Variants in DLGAP1 observed in about 807,000 individuals in gnomAD.
DLGAP1 encodes the protein DLG associated protein 1.
DLGAP1 carries 11 observed loss-of-function variants against 90.8 expected under a neutral mutation model. That is an observed-to-expected ratio of 0.12 (90% CI 0.08 to 0.20). The LOEUF (loss-of-function observed/expected upper bound fraction) is 0.20. DLGAP1 is among the 10% of genes least tolerant of loss of function. The pLI is 1.00. For missense variants in DLGAP1, 1,050 were observed against 1,333.8 expected (o/e 0.79, Z 3.31); for synonymous variants, 558 against 540.7 (o/e 1.03, Z -0.44).
chr18:3,768,076 A>AACT (rs1173653067), intron 5 of DLGAP1, among the ~76,000 whole-genome samples: 1 of 152,136 alleles, frequency 6.6e-6, no homozygotes, highest in Non-Finnish European at 1.5e-5. Flanking sequence ...TTAACAAAAA[A>AACT]ACTTCTGGAA....
intron 8 of DLGAP1, among the ~76,000 whole-genome samples, chr18:3,581,057 C>T (rs560825939): frequency 6.6e-6 from 1 of 152,314 alleles, no homozygotes; most frequent in East Asian, 1.9e-4. Flanking sequence ...TGGCCCAACC[C>T]CAATGCTGTC....
chr18:4,272,200 G>A (rs1467246494), intron 1 of DLGAP1, among the ~76,000 whole-genome samples: 1 of 152,122 alleles, frequency 6.6e-6, no homozygotes, highest in Non-Finnish European at 1.5e-5. Flanking sequence ...GTAATTCTTT[G>A]TCTACTTCTG....
Position 3,729,241 on chromosome 18 carries a change from C to T in DLGAP1, c.1485G>A (p.Val495=), listed in dbSNP as rs112483007. ...GGGAGCAGCCTTTCTCAATGGCCCG[C>T]ACATAGCTGTGGCTCCGCATGCGGA... ...GCFRMRSHSY[V]RAIEKGCSQD... Residue 495 remains valine, a synonymous_variant, in exon 7 of 13, where the codon GTG becomes GTA. Coordinates refer to ENST00000315677, the MANE Select transcript of DLGAP1 (RefSeq NM_004746.4). The surrounding 1 kb of genome is among the most constrained non-coding windows in gnomAD (Gnocchi z 6.2). 6.8e-5 allele frequency: 109 copies of T among 1,614,018 alleles called. No individual in the cohort carries two copies. In the African/African-American group the frequency reaches 9.3e-4, roughly 14 times the overall value.
chr18:3,728,676 T>C (rs2062289006), intron 7 of DLGAP1, among the ~76,000 whole-genome samples: 1 of 152,220 alleles, frequency 6.6e-6, no homozygotes, highest in Admixed American at 6.5e-5. Context: ...CACAGTGATA[T>C]TTCAGGTCTT....
intron 4 of DLGAP1, among the ~76,000 whole-genome samples, chr18:3,837,449 G>C (rs1157924841): frequency 1.3e-5 from 2 of 152,060 alleles, no homozygotes; most frequent in Admixed American, 6.5e-5. Flanking sequence ...ATAGATGTAG[G>C]CTCTTTCTTT....
chr18:4,432,589 AGTGT>A (rs545618675), intron 1 of DLGAP1, among the ~76,000 whole-genome samples: 7,310 of 111,258 alleles, frequency 0.066, 216 homozygotes, highest in African/African-American at 0.1. Context: ...CACCTCACAT[AGTGT>A]GTGTGTGTGT....
At chr18:4,442,255 C>T (rs891702439) in intron 1 of DLGAP1, among the ~76,000 whole-genome samples, 1 of 152,170 alleles carries the variant, frequency 6.6e-6, no homozygotes, top group Non-Finnish European at 1.5e-5. Flanking sequence ...ACCTCGGCCT[C>T]CCAAAGTGCT....
At chr18:3,855,856 C>T (rs1042236699) in intron 4 of DLGAP1, among the ~76,000 whole-genome samples, 2 of 152,206 alleles carry the variant, frequency 1.3e-5, no homozygotes, top group East Asian at 1.9e-4. Flanking sequence ...CGTGATCCGC[C>T]TGCCTCGGCC....
intron 3 of DLGAP1, among the ~76,000 whole-genome samples, chr18:3,927,909 G>T (rs1024423234): frequency 6.6e-6 from 1 of 152,112 alleles, no homozygotes; most frequent in Non-Finnish European, 1.5e-5. Context: ...TACATCAATA[G>T]TTCCTCCCTA....
chr18:4,063,904 T>A (rs1359978950), intron 2 of DLGAP1, among the ~76,000 whole-genome samples: 1 of 152,092 alleles, frequency 6.6e-6, no homozygotes, highest in African/African-American at 2.4e-5. Flanking sequence ...TAGCCCATTT[T>A]TCTATTAATC....
intron 1 of DLGAP1, among the ~76,000 whole-genome samples, chr18:4,437,169 A>G (rs1226945657): frequency 6.6e-6 from 1 of 152,238 alleles, no homozygotes; most frequent in Admixed American, 6.5e-5. Context: ...TATGAAGAAT[A>G]TTGGCTGACT....
chr18:3,770,001 G>T (rs2064447573), intron 5 of DLGAP1: 1 of 152,144 alleles, frequency 6.6e-6, no homozygotes, highest in African/African-American at 2.4e-5. Context: ...GAGTCAGGAT[G>T]CAGGAAAAAC....
At chr18:3,712,821 G>A (rs1262032036) in intron 7 of DLGAP1, among the ~76,000 whole-genome samples, 2 of 152,220 alleles carry the variant, frequency 1.3e-5, no homozygotes, top group African/African-American at 2.4e-5. Flanking sequence ...AGGACTATAA[G>A]TTTAAGCAAG....
chr18:3,958,216 A>G (rs2073120827), intron 3 of DLGAP1, among the ~76,000 whole-genome samples: 3 of 151,900 alleles, frequency 2.0e-5, no homozygotes, highest in African/African-American at 7.3e-5. Flanking sequence ...GCCTTATTAC[A>G]TACTTTTAAA....
chr18:4,121,524 C>A (rs1568408278), intron 2 of DLGAP1, among the ~76,000 whole-genome samples: 1 of 152,154 alleles, frequency 6.6e-6, no homozygotes, highest in South Asian at 2.1e-4. Context: ...CCTCCACCAT[C>A]CCCCAGGTGA....
chr18:3,889,593 T>C lies in DLGAP1; in HGVS notation c.-72-9453A>G, dbSNP rs540006518. On this transcript the variant is annotated intron_variant, in intron 3 of 12. Coordinates refer to ENST00000315677, the MANE Select transcript of DLGAP1 (RefSeq NM_004746.4). Reference sequence around the variant, plus strand: ...TAGCTGTTCAGCTGACACCTGCTTTTGGGAATTTCTTCCCTACTCACAGCA... The same window carrying C: ...TAGCTGTTCAGCTGACACCTGCTTTCGGGAATTTCTTCCCTACTCACAGCA... 2.0e-5 allele frequency among the ~76,000 whole-genome samples: 3 copies of C among 152,306 alleles called. No homozygotes were observed. In the South Asian group the frequency reaches 6.2e-4, roughly 32 times the overall value.
chr18:3,849,951 G>C (rs2069238837), intron 4 of DLGAP1, among the ~76,000 whole-genome samples: 1 of 152,182 alleles, frequency 6.6e-6, no homozygotes. Context: ...GTTAGTACTA[G>C]TGGTCTTGTT....
intron 1 of DLGAP1, among the ~76,000 whole-genome samples, chr18:4,245,247 G>A (rs775510437): frequency 6.6e-5 from 10 of 152,072 alleles, no homozygotes; most frequent in African/African-American, 1.2e-4. Context: ...TGTAAAATCC[G>A]AATATTTTCA....
At chr18:3,931,938 T>C (rs2148930698) in intron 3 of DLGAP1, among the ~76,000 whole-genome samples, 2 of 152,290 alleles carry the variant, frequency 1.3e-5, no homozygotes, top group African/African-American at 4.8e-5. Context: ...TTGATGGATC[T>C]ACAGTGCTCC....
Sources: allele counts gnomAD v4.1 joint callset (sites outside exome capture counted in the v4.1 genomes callset), GRCh38; gene constraint gnomAD v4.1.1; non-coding constraint Gnocchi (gnomAD v3.1); transcripts MANE v1.5; gene names NCBI Gene and HGNC (gene_info 2026-07-23, HGNC 2026-07-21).